Variants in FGF14 observed in about 807,000 individuals in gnomAD.
The protein encoded by FGF14 is fibroblast growth factor homologous factor 4.
A neutral mutation model predicts 25.5 loss-of-function variants in FGF14; 5 were observed. That is an observed-to-expected ratio of 0.20 (90% CI 0.10 to 0.41). The LOEUF is 0.41. Ranked by LOEUF, FGF14 falls within the 10% of genes least tolerant of loss-of-function variation. The probability of loss-of-function intolerance (pLI) is 1.00; values close to 1 mark genes in which losing one functional copy is unlikely to be tolerated. For synonymous variants in FGF14, 138 were observed against 118.3 expected, an observed-to-expected ratio of 1.17 and a Z score of -1.08; for missense variants, 222 against 320.1, an observed-to-expected ratio of 0.69 and a Z score of 2.34.
chr13:101,889,134 C>A (rs1400306835), intron 1 of FGF14, among the ~76,000 whole-genome samples: 1 of 152,138 alleles, frequency 6.6e-6, no homozygotes, highest in Non-Finnish European at 1.5e-5. Flanking sequence ...CTTGACCTTG[C>A]AGCTTTCAGA....
chr13:101,994,708 CA>C (rs1263853561), intron 1 of FGF14, among the ~76,000 whole-genome samples: 1 of 151,908 alleles, frequency 6.6e-6, no homozygotes, highest in African/African-American at 2.4e-5. Flanking sequence ...TAGTAGCATG[CA>C]AAATTAAATA....
chr13:102,268,734 T>G (rs1020047674), intron 1 of FGF14, among the ~76,000 whole-genome samples: 2 of 152,074 alleles, frequency 1.3e-5, no homozygotes, highest in African/African-American at 4.8e-5. Flanking sequence ...AGTCAAAAAT[T>G]TAATCCTTTA....
chr13:102,145,066 T>C (rs1169945841), intron 1 of FGF14, among the ~76,000 whole-genome samples: 1 of 152,110 alleles, frequency 6.6e-6, no homozygotes, highest in Non-Finnish European at 1.5e-5. Flanking sequence ...ATGTGATGGG[T>C]GATTTGGGTT....
rs1383751993 is a variant in FGF14, at chr13:101,711,770, A to C, written c.*11061T>G. On this transcript the variant is annotated 3_prime_UTR_variant, in exon 5 of 5. Coordinates refer to ENST00000376143, the MANE Select transcript of FGF14 (RefSeq NM_004115.4). ...ATGTGGCTGATTCCCCAGGGATGGA[A>C]GCCAGCAAAAATGCACAGAAGGGAG... 2 of 152,222 alleles carry C rather than the reference A, an allele frequency of 1.3e-5. No homozygotes were observed. The highest frequency in any genetic ancestry group is 1.3e-4 in the Admixed American group (2 of 15,290). 9.4% of individuals were successfully genotyped at this position (152,222 alleles called of 1,614,324 possible).
At chr13:101,832,634 A>G (rs2042730753) in intron 3 of FGF14, among the ~76,000 whole-genome samples, 2 of 151,966 alleles carry the variant, frequency 1.3e-5, no homozygotes, top group Admixed American at 1.3e-4. Flanking sequence ...AGTAAAAGCA[A>G]GTAGAATGAA....
intron 1 of FGF14, among the ~76,000 whole-genome samples, chr13:102,320,713 G>C (rs1275767147): frequency 4.6e-5 from 7 of 152,170 alleles, no homozygotes; most frequent in Non-Finnish European, 7.3e-5. Flanking sequence ...AGATATAGCT[G>C]AGCAGCATCT....
At chr13:102,059,731 G>GC (rs1762036500) in intron 1 of FGF14, among the ~76,000 whole-genome samples, 2 of 151,954 alleles carry the variant, frequency 1.3e-5, no homozygotes, top group Admixed American at 6.6e-5. Context: ...CACGCCTGTA[G>GC]CCCCAGCTAC....
chr13:101,959,957 G>T (rs1420527275), intron 1 of FGF14, among the ~76,000 whole-genome samples: 1 of 152,146 alleles, frequency 6.6e-6, no homozygotes, highest in African/African-American at 2.4e-5. Flanking sequence ...ACTTTGAGAG[G>T]TGTCTGTAAA....
intron 4 of FGF14, among the ~76,000 whole-genome samples, chr13:101,725,045 G>T (rs921308609): frequency 5.3e-5 from 8 of 151,676 alleles, no homozygotes; most frequent in Non-Finnish European, 1.2e-4. Flanking sequence ...CAGCCCTTTT[G>T]GGTTTTGTTA....
intron 1 of FGF14, among the ~76,000 whole-genome samples, chr13:102,162,414 G>A (rs1449898212): frequency 6.6e-6 from 1 of 152,104 alleles, no homozygotes; most frequent in Non-Finnish European, 1.5e-5. Context: ...AATTTCCAAA[G>A]CAATTAATAT....
intron 1 of FGF14, among the ~76,000 whole-genome samples, chr13:102,351,286 CAG>C (rs1316499155): frequency 6.6e-6 from 1 of 151,034 alleles, no homozygotes; most frequent in Non-Finnish European, 1.5e-5. Flanking sequence ...TAAATCATAA[CAG>C]AAAAAAAAAA....
intron 1 of FGF14, among the ~76,000 whole-genome samples, chr13:101,997,445 A>T (rs2039244060): frequency 6.6e-6 from 1 of 151,462 alleles, no homozygotes; most frequent in Non-Finnish European, 1.5e-5. Flanking sequence ...ATTAATGCTA[A>T]GACTCATGGA....
intron 1 of FGF14, among the ~76,000 whole-genome samples, chr13:102,224,064 G>T (rs558920307): frequency 1.3e-5 from 2 of 151,882 alleles, no homozygotes; most frequent in African/African-American, 4.8e-5. Context: ...ACATAAACAC[G>T]TATAAACATA....
rs745837851 is a variant in FGF14 at position 102,400,326 on chromosome 13, C to G, written c.208+1145G>C. On this transcript the variant is annotated intron_variant, in intron 1 of 4. Transcript: ENST00000376131. This position sits in a 1 kb window ranked among gnomAD's most constrained non-coding sequence, Gnocchi z 4.3. Reference sequence around the variant, plus strand: ...GGGCTGCCACTGCGGGACGGCCGATCTGCCCGCTCCCTCCTTCAGACACAA... The same window carrying G: ...GGGCTGCCACTGCGGGACGGCCGATGTGCCCGCTCCCTCCTTCAGACACAA... 2.6e-5 allele frequency among the ~76,000 whole-genome samples: 4 copies of G among 152,220 alleles called. No homozygotes were observed. The highest frequency in any genetic ancestry group is 1.5e-5 in the Non-Finnish European group (1 of 68,040).
chr13:101,935,946 A>G (rs1028746035), intron 1 of FGF14, among the ~76,000 whole-genome samples: 4 of 152,214 alleles, frequency 2.6e-5, no homozygotes, highest in African/African-American at 9.6e-5. Flanking sequence ...ATGAAATCCC[A>G]AAAGGATAAT....
At chr13:102,285,452 A>G (rs1050839509) in intron 1 of FGF14, among the ~76,000 whole-genome samples, 2 of 152,192 alleles carry the variant, frequency 1.3e-5, no homozygotes, top group African/African-American at 2.4e-5. Context: ...TAAGACTTAT[A>G]TCAACAATAA....
intron 1 of FGF14, among the ~76,000 whole-genome samples, chr13:102,314,431 T>G (rs139444979): frequency 1.5e-4 from 23 of 152,314 alleles, no homozygotes; most frequent in African/African-American, 5.5e-4. Context: ...GAAGGGACCA[T>G]TCCAAGTGTC....
intron 1 of FGF14, among the ~76,000 whole-genome samples, chr13:102,384,874 A>G (rs1009629957): frequency 3.3e-5 from 5 of 152,320 alleles, no homozygotes; most frequent in African/African-American, 4.8e-5. Context: ...AAGGAAAACT[A>G]AAAACAAACA....
intron 1 of FGF14, among the ~76,000 whole-genome samples, chr13:102,228,761 T>G (rs2050942134): frequency 6.6e-6 from 1 of 152,198 alleles, no homozygotes; most frequent in South Asian, 2.1e-4. Flanking sequence ...TCAGAATTTT[T>G]GTTTCAGTGA....
Sources: gnomAD v4.1 joint callset for allele counts (sites outside exome capture counted in the v4.1 genomes callset) on GRCh38, gnomAD v4.1.1 for gene constraint, Gnocchi (gnomAD v3.1) non-coding constraint, MANE v1.5 for transcripts, NCBI Gene and HGNC (gene_info 2026-07-23, HGNC 2026-07-21) for gene names.